The following ACSL6 variants were observed in gnomAD, a reference collection of about 807,000 sequenced individuals.
ACSL6 encodes long-chain-fatty-acid--CoA ligase 6.
In ACSL6, 47 loss-of-function variants were observed where a neutral mutation model predicts 98.2. The ratio of observed to expected loss-of-function variants is 0.48; its 90% CI spans 0.38 to 0.61. The LOEUF (loss-of-function observed/expected upper bound fraction) is 0.61, where lower values mean the gene tolerates loss of function less well. Among genes scored for constraint, ACSL6 ranks in the 20% least tolerant of loss-of-function variants. The pLI is 0.00. For missense variants in ACSL6, 761 were observed against 913.4 expected, an observed-to-expected ratio of 0.83 and a Z score of 2.15; for synonymous variants, 362 against 336.9, an observed-to-expected ratio of 1.07 and a Z score of -0.82.
intron 1 of ACSL6, among the ~76,000 whole-genome samples, chr5:131,996,331 G>A (rs1561807061): frequency 6.6e-6 from 1 of 152,246 alleles, no homozygotes; most frequent in Non-Finnish European, 1.5e-5. Flanking sequence ...CTCTGGGTAG[G>A]TGACTAGCTG....
intron 16 of ACSL6, among the ~76,000 whole-genome samples, chr5:131,967,468 C>T (rs1252545797): frequency 6.6e-6 from 1 of 151,988 alleles, no homozygotes; most frequent in Non-Finnish European, 1.5e-5. Flanking sequence ...TTAAGACCAT[C>T]CTGTCTAACA....
Position 131,952,950 on chromosome 5 carries a change from GA to G in ACSL6, c.*1283del, listed in dbSNP as rs978324223. 61 of 210,888 alleles carry G rather than the reference GA, an allele frequency of 2.9e-4. No individual in the cohort carries two copies. Among genetic ancestry groups the G allele is most frequent in the African/African-American group, 1.2e-3 (54 of 44,064 alleles). The allele number at this position is 210,888 out of a possible 1,614,324, so 13.1% of individuals were successfully genotyped here. On this transcript the variant is annotated 3_prime_UTR_variant, in exon 21 of 21. Coordinates refer to ENST00000651883, the MANE Select transcript of ACSL6 (RefSeq NM_001009185.3). Reference sequence around the variant, plus strand: ...ACCTTCTGCCTTGATATTCTTACTGGAAAAAAAGTGAAATTGTTCAGAATTA... The same window carrying G: ...ACCTTCTGCCTTGATATTCTTACTGGAAAAAAGTGAAATTGTTCAGAATTA...
At position 131,966,540 on chromosome 5, in the gene ACSL6, A is replaced by G; in HGVS notation, c.1597-8T>C. 1 of 1,612,328 alleles carries G rather than the reference A, an allele frequency of 6.2e-7. No individual in the cohort carries two copies. The highest frequency in any genetic ancestry group is 8.5e-7 in the Non-Finnish European group (1 of 1,178,394). ...TGGTCCTCTCACACATATCTATGGG[A>G]CAAAAACCATGGCTTCTCTCAGCCA... On this transcript the variant is annotated splice_polypyrimidine_tract_variant and splice_region_variant and intron_variant, in intron 16 of 20. Transcript: ENST00000651883.
rs1472221836 is a variant in ACSL6, at chr5:131,952,985, T to C, written c.*1249A>G. 9.6e-6 allele frequency: 2 copies of C among 209,158 alleles called. No homozygotes were observed. The highest frequency in any genetic ancestry group is 1.9e-5 in the Non-Finnish European group (2 of 103,036). 13.0% of individuals were successfully genotyped at this position (209,158 alleles called of 1,614,324 possible). ...GAAATTGTTCAGAATTACAACCATATAGGGTTTCCAGGCATAGCATGGGCA... is the reference window on the plus strand; with the variant it reads ...GAAATTGTTCAGAATTACAACCATACAGGGTTTCCAGGCATAGCATGGGCA... On this transcript the variant is annotated 3_prime_UTR_variant, in exon 21 of 21. Coordinates refer to ENST00000651883, the MANE Select transcript of ACSL6 (RefSeq NM_001009185.3).
rs761969105 is a variant in ACSL6 at position 131,986,849 on chromosome 5, A to G, written c.837T>C (p.Cys279=). 2 of 1,614,206 alleles carry G rather than the reference A, an allele frequency of 1.2e-6. No homozygotes were observed. Among genetic ancestry groups the G allele is most frequent in the African/African-American group, 1.3e-5 (1 of 75,044 alleles). ...CAGGAGCCTGGTGATTCTCTTGGCC[A>G]CAGTCCTGAAAGAAGAAAATGCTGT... ...VIKSMQAVED[C]GQENHQAPVP... Residue 279 remains cysteine (C), a synonymous_variant, in exon 8 of 21, where the codon TGT becomes TGC. Transcript: ENST00000651883.
intron 1 of ACSL6, among the ~76,000 whole-genome samples, chr5:132,004,078 C>T (rs1755245941): frequency 6.6e-6 from 1 of 152,134 alleles, no homozygotes; most frequent in Admixed American, 6.5e-5. Flanking sequence ...CTGCCTGGTG[C>T]CCACACTCCT....
intron 5 of ACSL6, 79 bp from the exon 6 acceptor site, chr5:131,988,983 C>T (rs963966386): frequency 1.7e-5 from 22 of 1,285,106 alleles, no homozygotes; most frequent in South Asian, 7.3e-5. Context: ...AGGTAACCAG[C>T]GTCCCTGCTC....
Position 131,950,801 on chromosome 5 carries a change from AT to A in ACSL6, c.*3432del, listed in dbSNP as rs1266464494. On this transcript the variant is annotated 3_prime_UTR_variant, in exon 21 of 21. Transcript: ENST00000651883. Reference sequence around the variant, plus strand: ...GGTAATACAATCAAATTAAGTGCTGATTTCAAGTTGCTAAAACATTACCTGA... The same window carrying A: ...GGTAATACAATCAAATTAAGTGCTGATTCAAGTTGCTAAAACATTACCTGA... The A allele has an allele frequency of 1.0e-5, 2 of 192,812 alleles. No individual in the cohort carries two copies. Among genetic ancestry groups the A allele is most frequent in the Non-Finnish European group, 2.2e-5 (2 of 92,340 alleles). The allele number at this position is 192,812 out of a possible 1,614,324, so 11.9% of individuals were successfully genotyped here.
At chr5:131,998,556 A>C (rs1414230554) in intron 1 of ACSL6, among the ~76,000 whole-genome samples, 1 of 152,134 alleles carries the variant, frequency 6.6e-6, no homozygotes, top group East Asian at 1.9e-4. Context: ...GAGCACAGTC[A>C]CTGTGGAACT....
rs866673333 is a variant in ACSL6, at chr5:131,992,272, C to G, written c.271-1305G>C. Among the ~76,000 whole-genome samples, 58 of 152,172 alleles carry G rather than the reference C, an allele frequency of 3.8e-4. 1 individual carries two copies. The highest frequency in any genetic ancestry group is 1.4e-3 in the African/African-American group (57 of 41,438). ...GAGAGGCTGCAGATCAAGGCAGAAT[C>G]TGGACTTGAGGTTGAGGGTAATGGG... is the stretch of plus-strand genomic sequence containing the variant. On this transcript the variant is annotated intron_variant, in intron 2 of 20. Coordinates refer to ENST00000651883, the MANE Select transcript of ACSL6 (RefSeq NM_001009185.3).
At chr5:131,978,978 G>T (rs1178005114) in intron 9 of ACSL6, among the ~76,000 whole-genome samples, 1 of 152,158 alleles carries the variant, frequency 6.6e-6, no homozygotes, top group Admixed American at 6.5e-5. Context: ...TGATTCTGGG[G>T]ACACAGAAGA....
rs368653510 is a variant in ACSL6 at position 131,988,212 on chromosome 5, C to T, written c.667G>A (p.Val223Met). ...GCCTTCTGAGGTTTGTCCACAATCACGGTGCTGATGTCCGCTGCAGGGGGC... is the reference window on the plus strand; with the variant it reads ...GCCTTCTGAGGTTTGTCCACAATCATGGTGCTGATGTCCGCTGCAGGGGGC... ...YIINTADISTVIVDKPQKAVL... is the reference protein window; with the variant it reads ...YIINTADISTMIVDKPQKAVL... Residue 223 changes from valine (V) to methionine (M), a missense_variant, in exon 7 of 21, where the codon GTG becomes ATG. By Grantham distance (21) the Val-to-Met change is conservative. Transcript: ENST00000651883. 7.6e-5 allele frequency: 122 copies of T among 1,614,012 alleles called. No individual in the cohort carries two copies. The highest frequency in any genetic ancestry group is 9.5e-5 in the Non-Finnish European group (112 of 1,180,004).
chr5:132,009,098 T>C (rs1755571571), intron 1 of ACSL6, among the ~76,000 whole-genome samples: 1 of 152,242 alleles, frequency 6.6e-6, no homozygotes, highest in African/African-American at 2.4e-5. Context: ...CCAGGACTCA[T>C]TGCTGGCCTC....
At chr5:131,976,130 C>T in intron 10 of ACSL6, 1 of 985,434 alleles carries the variant, frequency 1.0e-6, no homozygotes, top group Non-Finnish European at 1.2e-6. Flanking sequence ...TTATAAAATG[C>T]TAACATGCTT....
chr5:132,011,899 C>G, upstream of ACSL6: 2 of 1,553,516 alleles, frequency 1.3e-6, no homozygotes, highest in Non-Finnish European at 1.7e-6. The surrounding 1 kb of genome is among the most constrained non-coding windows in gnomAD (Gnocchi z 5.4). Context: ...CGGCCCCGCT[C>G]TCCAACGTCA....
intron 10 of ACSL6, 183 bp from the exon 11 acceptor site, chr5:131,975,153 G>GGA: frequency 2.1e-6 from 3 of 1,405,414 alleles, no homozygotes; most frequent in South Asian, 1.6e-5. Flanking sequence ...AGAGAGAGAG[G>GGA]GAGAGAGAGA....
intron 1 of ACSL6, chr5:131,999,436 T>G (rs1373535086): frequency 6.6e-6 from 1 of 152,212 alleles, no homozygotes; most frequent in Non-Finnish European, 1.5e-5. Flanking sequence ...CTCCTGGCAC[T>G]GAGGAGGCGG....
intron 16 of ACSL6, 41 bp downstream of exon 16, chr5:131,967,899 A>T (rs775572941): frequency 4.5e-6 from 7 of 1,570,844 alleles, no homozygotes; most frequent in Non-Finnish European, 6.1e-6. Context: ...TACTCACTAC[A>T]TGTAGCAGCC....
intron 2 of ACSL6, chr5:131,993,628 C>T: frequency 4.1e-6 from 1 of 242,532 alleles, no homozygotes; most frequent in Non-Finnish European, 8.1e-6. Context: ...AGTCCATGTA[C>T]TCAGGGAGAG....
Sources: allele counts gnomAD v4.1 joint callset (sites outside exome capture counted in the v4.1 genomes callset), GRCh38; gene constraint gnomAD v4.1.1; non-coding constraint Gnocchi (gnomAD v3.1); transcripts MANE v1.5; gene names NCBI Gene and HGNC (gene_info 2026-07-23, HGNC 2026-07-21).